The following ITPR2 variants were observed in gnomAD, a reference collection of about 807,000 sequenced individuals.
ITPR2 encodes inositol 1,4,5-trisphosphate receptor type 2.
A neutral mutation model predicts 317.1 loss-of-function variants in ITPR2; 207 were observed. The observed-to-expected ratio is 0.65, with a 90% CI of 0.58 to 0.73. The LOEUF (loss-of-function observed/expected upper bound fraction) is 0.73, where lower values mean the gene tolerates loss of function less well. Among genes scored for constraint, ITPR2 ranks in the 30% least tolerant of loss-of-function variants. The pLI is 0.00. For missense variants in ITPR2, 2,613 were observed against 3,284.0 expected (o/e 0.80, Z 4.99); for synonymous variants, 1,156 against 1,149.1 (o/e 1.01, Z -0.12).
intron 37 of ITPR2, among the ~76,000 whole-genome samples, chr12:26,503,220 C>CACACACACAT (rs1555143322): frequency 1.2e-4 from 18 of 151,662 alleles, no homozygotes; most frequent in Admixed American, 1.1e-3. Flanking sequence ...CACACACACA[C>CACACACACAT]GGATTAAGTG....
chr12:26,794,078 C>T (rs1221655670), intron 1 of ITPR2, among the ~76,000 whole-genome samples: 1 of 152,156 alleles, frequency 6.6e-6, no homozygotes, highest in African/African-American at 2.4e-5. Context: ...ATCTTCTCTT[C>T]ATAAGGTCAT....
chr12:26,639,812 A>G (rs1270131953), intron 21 of ITPR2, among the ~76,000 whole-genome samples: 1 of 151,794 alleles, frequency 6.6e-6, no homozygotes, highest in Non-Finnish European at 1.5e-5. Context: ...ATCATTTTTT[A>G]TGGCTGCATA....
intron 55 of ITPR2, among the ~76,000 whole-genome samples, chr12:26,367,249 C>T (rs1939041320): frequency 1.3e-5 from 2 of 152,090 alleles, no homozygotes; most frequent in Admixed American, 6.5e-5. Context: ...TTAAATTGAA[C>T]AAAATGGCTC....
In ITPR2 at chr12:26,553,090, T is replaced by C. The variant is rs1239457728; in HGVS notation, c.4965-2735A>G. On this transcript the variant is annotated intron_variant, in intron 36 of 56. Coordinates refer to ENST00000381340, the MANE Select transcript of ITPR2 (RefSeq NM_002223.4). ...ACTCACACAAATGTCACCCTCACTA[T>C]GAGATGCACTCTGATAATTTGTATC... Among the ~76,000 whole-genome samples the C allele has an allele frequency of 1.2e-4, 18 of 152,254 alleles. No homozygotes were observed. In the East Asian group the frequency reaches 1.3e-3, roughly 11 times the overall value.
chr12:26,766,720 T>C (rs1949726404), intron 2 of ITPR2, among the ~76,000 whole-genome samples: 1 of 152,224 alleles, frequency 6.6e-6, no homozygotes, highest in Non-Finnish European at 1.5e-5. Flanking sequence ...GATTTACTCC[T>C]GTGTTTGCTT....
chr12:26,644,626 T>C (rs1243531471), intron 21 of ITPR2, among the ~76,000 whole-genome samples: 2 of 152,128 alleles, frequency 1.3e-5, no homozygotes, highest in African/African-American at 2.4e-5. Context: ...GGAACTCCCC[T>C]TTATAAAACC....
At chr12:26,604,516 C>T (rs1249038731) in intron 26 of ITPR2, among the ~76,000 whole-genome samples, 1 of 152,188 alleles carries the variant, frequency 6.6e-6, no homozygotes, top group South Asian at 2.1e-4. Context: ...TCTTGTAAAA[C>T]AGCAGTTTCT....
At chr12:26,373,776 G>C (rs1313584722) in intron 55 of ITPR2, 1 of 151,992 alleles carries the variant, frequency 6.6e-6, no homozygotes, top group East Asian at 1.9e-4. Context: ...CTTTATACTG[G>C]AACTTTTTCA....
At chr12:26,608,116 G>A (rs915028153) in intron 26 of ITPR2, among the ~76,000 whole-genome samples, 5 of 151,868 alleles carry the variant, frequency 3.3e-5, no homozygotes, top group East Asian at 1.9e-4. Context: ...GTGAGACTCT[G>A]TTTCAAAAAA....
chr12:26,532,502 T>C (rs990382947), intron 37 of ITPR2, among the ~76,000 whole-genome samples: 1 of 152,156 alleles, frequency 6.6e-6, no homozygotes, highest in Admixed American at 6.5e-5. Flanking sequence ...CACCTCAGCC[T>C]GCTAAGTAGC....
intron 2 of ITPR2, among the ~76,000 whole-genome samples, chr12:26,746,043 G>C (rs1321108677): frequency 1.3e-5 from 2 of 151,896 alleles, no homozygotes; most frequent in Non-Finnish European, 2.9e-5. Context: ...TCCCCACCTA[G>C]ACTGTGAATC....
At chr12:26,435,317 A>G (rs1233256822) in intron 48 of ITPR2, among the ~76,000 whole-genome samples, 1 of 151,996 alleles carries the variant, frequency 6.6e-6, no homozygotes, top group African/African-American at 2.4e-5. Flanking sequence ...AACCACCACC[A>G]TTGAACTTTA....
intron 1 of ITPR2, among the ~76,000 whole-genome samples, chr12:26,814,666 G>GT (rs1950818621): frequency 6.6e-6 from 1 of 152,050 alleles, no homozygotes; most frequent in South Asian, 2.1e-4. Context: ...TCTTCAAAGT[G>GT]TTTTTTAATG....
At chr12:26,799,239 CCACA>C (rs1173387850) in intron 1 of ITPR2, among the ~76,000 whole-genome samples, 1 of 152,018 alleles carries the variant, frequency 6.6e-6, no homozygotes, top group Non-Finnish European at 1.5e-5. Context: ...TAACCTATAC[CCACA>C]CATAAATTAC....
intron 55 of ITPR2, among the ~76,000 whole-genome samples, chr12:26,382,882 A>G (rs1939551119): frequency 6.6e-6 from 1 of 152,232 alleles, no homozygotes; most frequent in Non-Finnish European, 1.5e-5. Context: ...TTAAAATGTC[A>G]TCAATAGATA....
chr12:26,464,195 A>C (rs1942111749), intron 45 of ITPR2, among the ~76,000 whole-genome samples: 1 of 152,160 alleles, frequency 6.6e-6, no homozygotes, highest in Non-Finnish European at 1.5e-5. Flanking sequence ...TTTTGGGATG[A>C]ATCAACCACA....
At chr12:26,342,289 T>C (rs1445529857) in intron 55 of ITPR2, among the ~76,000 whole-genome samples, 1 of 152,114 alleles carries the variant, frequency 6.6e-6, no homozygotes, top group African/African-American at 2.4e-5. Flanking sequence ...TAAATGCTCT[T>C]TAAGCACTTA....
intron 43 of ITPR2, among the ~76,000 whole-genome samples, chr12:26,479,933 G>A (rs1240184929): frequency 6.6e-6 from 1 of 151,980 alleles, no homozygotes; most frequent in African/African-American, 2.4e-5. Flanking sequence ...AGATAAAGAA[G>A]CACATGCTTA....
intron 51 of ITPR2, among the ~76,000 whole-genome samples, chr12:26,412,771 T>TC (rs1396434843): frequency 6.6e-6 from 1 of 152,022 alleles, no homozygotes; most frequent in Non-Finnish European, 1.5e-5. Flanking sequence ...AGGGGGTGAT[T>TC]CCAGGTACAA....
Sources: gnomAD v4.1 joint callset for allele counts (sites outside exome capture counted in the v4.1 genomes callset) on GRCh38, gnomAD v4.1.1 for gene constraint, MANE v1.5 for transcripts, NCBI Gene and HGNC (gene_info 2026-07-23, HGNC 2026-07-21) for gene names.